BCL9: variants seen among roughly 807,000 people sequenced by gnomAD.
The protein encoded by BCL9 is BCL9 transcription coactivator, also known as B-cell CLL/lymphoma 9 protein.
Under a neutral mutation model 88.5 loss-of-function variants are expected in BCL9, and 25 were observed. That is an observed-to-expected ratio of 0.28 (90% CI 0.21 to 0.39). The LOEUF (loss-of-function observed/expected upper bound fraction) is 0.39, where lower values mean the gene tolerates loss of function less well. Among genes scored for constraint, BCL9 ranks in the 10% least tolerant of loss-of-function variants. The probability of loss-of-function intolerance (pLI) is 1.00; values close to 1 mark genes in which losing one functional copy is unlikely to be tolerated. For missense variants in BCL9, 1,817 were observed against 1,877.8 expected, an observed-to-expected ratio of 0.97 and a Z score of 0.60; for synonymous variants, 711 against 673.3, an observed-to-expected ratio of 1.06 and a Z score of -0.87.
chr1:147,574,042 T>C (rs1656004985), intron 1 of BCL9, among the ~76,000 whole-genome samples: 1 of 152,204 alleles, frequency 6.6e-6, no homozygotes, highest in Non-Finnish European at 1.5e-5. Context: ...ATATGTTACC[T>C]CTTTAATCCT....
intron 1 of BCL9, among the ~76,000 whole-genome samples, chr1:147,588,860 C>A (rs1553199586): frequency 6.6e-6 from 1 of 152,168 alleles, no homozygotes; most frequent in Non-Finnish European, 1.5e-5. Context: ...TTGTGCAGTT[C>A]TCTTTTTAAA....
At chr1:147,599,620 A>C (rs1176323459) in intron 1 of BCL9, among the ~76,000 whole-genome samples, 2 of 152,088 alleles carry the variant, frequency 1.3e-5, no homozygotes, top group Admixed American at 6.5e-5. Flanking sequence ...CCGGCCCCTC[A>C]GGAGGCTCTG....
intron 1 of BCL9, among the ~76,000 whole-genome samples, chr1:147,581,637 A>G (rs1656375866): frequency 6.6e-6 from 1 of 152,196 alleles, no homozygotes; most frequent in Non-Finnish European, 1.5e-5. Context: ...CACAGGACCT[A>G]CGTCAGCTCT....
At chr1:147,559,165 C>CT (rs1485209680) in intron 1 of BCL9, among the ~76,000 whole-genome samples, 145,329 of 145,456 alleles carry the variant, frequency 1, 72,601 homozygotes, top group Middle Eastern at 1. Flanking sequence ...ATCTCTCCTA[C>CT]TTTTTTTTCT....
At chr1:147,605,324 C>T (rs200031524) in intron 2 of BCL9, among the ~76,000 whole-genome samples, 24 of 152,154 alleles carry the variant, frequency 1.6e-4, no homozygotes, top group East Asian at 1.2e-3. Flanking sequence ...CAGAGAGTTC[C>T]GTGTCTACAC....
chr1:147,571,968 A>G (rs914013995), intron 1 of BCL9, among the ~76,000 whole-genome samples: 1 of 152,180 alleles, frequency 6.6e-6, no homozygotes, highest in Non-Finnish European at 1.5e-5. Flanking sequence ...ATAAAACATC[A>G]TGCCTGTAAT....
At position 147,557,748 on chromosome 1, in the gene BCL9, A is replaced by G. The variant is rs587713523; in HGVS notation, c.-478+16074A>G. On this transcript the variant is annotated intron_variant, in intron 1 of 9. Coordinates refer to ENST00000234739, the MANE Select transcript of BCL9 (RefSeq NM_004326.4). ...ATGTCTATAAAAGAAATAATCTTCC[A>G]TAGGATCCCATGGGTGCAAACTTTC... 1.3e-4 allele frequency among the ~76,000 whole-genome samples: 20 copies of G among 152,318 alleles called. No individual in the cohort carries two copies. The East Asian group carries it at 3.9e-3, about 29-fold the overall frequency.
At chr1:147,610,242 G>GT (rs1202835240) in intron 3 of BCL9, among the ~76,000 whole-genome samples, 3 of 150,250 alleles carry the variant, frequency 2.0e-5, no homozygotes, top group Middle Eastern at 3.2e-3. Context: ...AGACCAAAAT[G>GT]TTTTTTAACA....
At position 147,620,263 on chromosome 1, in the gene BCL9, C is replaced by T. The variant is rs1658547054; in HGVS notation, c.2108C>T (p.Pro703Leu). ...FPKGIPPQMG[P>L]GRELEFGMVP... ...AAAGGAATTCCCCCACAGATGGGCC[C>T]TGGTCGGGAACTTGAGTTTGGGATG... is the stretch of plus-strand genomic sequence containing the variant. The change falls in exon 8 of 10, where the codon CCT (proline) becomes CTT (leucine). Residue 703 changes from proline to leucine, a missense_variant. Transcript: ENST00000234739. 1.2e-6 allele frequency: 2 copies of T among 1,614,202 alleles called. No individual in the cohort carries two copies. The highest frequency in any genetic ancestry group is 4.5e-5 in the East Asian group (2 of 44,872).
intron 1 of BCL9, among the ~76,000 whole-genome samples, chr1:147,563,237 A>G (rs1553196304): frequency 1.3e-5 from 2 of 152,142 alleles, no homozygotes; most frequent in Admixed American, 1.3e-4. Flanking sequence ...TAAAATCTGA[A>G]ATGATCTTAT....
intron 8 of BCL9, 52 bp downstream of exon 8, chr1:147,621,109 AC>A: frequency 6.6e-7 from 1 of 1,505,184 alleles, no homozygotes; most frequent in African/African-American, 1.4e-5. Flanking sequence ...AGACTGCTAG[AC>A]CTGATAGTTA....
At chr1:147,562,050 C>T (rs587635734) in intron 1 of BCL9, among the ~76,000 whole-genome samples, 140 of 152,200 alleles carry the variant, frequency 9.2e-4, no homozygotes, top group Middle Eastern at 6.8e-3. Context: ...TGGTAGAGGC[C>T]GGGCGTGGTG....
intron 1 of BCL9, among the ~76,000 whole-genome samples, chr1:147,586,829 T>C (rs1656624803): frequency 1.3e-5 from 2 of 152,184 alleles, no homozygotes; most frequent in Non-Finnish European, 2.9e-5. Context: ...TGAAGCATTT[T>C]CTGATTGTTC....
chr1:147,622,564 G>A, intron 9 of BCL9, 33 bp downstream of exon 9: 1 of 1,611,176 alleles, frequency 6.2e-7, no homozygotes, highest in Non-Finnish European at 8.5e-7. Context: ...TGTGGAGTGA[G>A]TGCTAGACCA....
Position 147,552,021 on chromosome 1 carries a change from C to CCT in BCL9, c.-478+10348_-478+10349dup, listed in dbSNP as rs1314694988. 5.9e-5 allele frequency among the ~76,000 whole-genome samples: 9 copies of CCT among 152,024 alleles called. 1 individual carries two copies. The highest frequency in any genetic ancestry group is 1.3e-4 in the Non-Finnish European group (9 of 67,996). ...GTGCAAGATGACTGAGGCTTGAATCCCTACCTTTAAGGTGCTTTCATCCTG... is the reference window on the plus strand; with the variant it reads ...GTGCAAGATGACTGAGGCTTGAATCCCTCTACCTTTAAGGTGCTTTCATCCTG... On this transcript the variant is annotated intron_variant, in intron 1 of 9. Coordinates refer to ENST00000234739, the MANE Select transcript of BCL9 (RefSeq NM_004326.4).
At chr1:147,559,936 G>A (rs1655300221) in intron 1 of BCL9, among the ~76,000 whole-genome samples, 1 of 152,180 alleles carries the variant, frequency 6.6e-6, no homozygotes, top group African/African-American at 2.4e-5. Context: ...ACTTTCAGAA[G>A]CTTAGTAAAA....
At chr1:147,583,261 A>G (rs56126189) in intron 1 of BCL9, among the ~76,000 whole-genome samples, 2,576 of 151,878 alleles carry the variant, frequency 0.017, 38 homozygotes, top group Non-Finnish European at 0.028. Context: ...TTTGCCTTTT[A>G]TTTATTTATT....
chr1:147,566,199 T>C (rs587669904), intron 1 of BCL9, among the ~76,000 whole-genome samples: 48 of 152,292 alleles, frequency 3.2e-4, no homozygotes, highest in African/African-American at 1.1e-3. Context: ...GCAGGAAATA[T>C]GCCAAAAACT....
intron 1 of BCL9, among the ~76,000 whole-genome samples, chr1:147,556,092 A>G (rs17160431): frequency 0.015 from 2,243 of 152,200 alleles, 27 homozygotes; most frequent in East Asian, 0.056. Flanking sequence ...AGGGTCTTAC[A>G]TCTTTACAAT....
Sources: allele counts gnomAD v4.1 joint callset (sites outside exome capture counted in the v4.1 genomes callset), GRCh38; gene constraint gnomAD v4.1.1; transcripts MANE v1.5; gene names NCBI Gene and HGNC (gene_info 2026-07-23, HGNC 2026-07-21).